The following TYW1 variants were observed in gnomAD, a reference collection of about 807,000 sequenced individuals.
TYW1 encodes the protein S-adenosyl-L-methionine-dependent tRNA 4-demethylwyosine synthase TYW1.
Under a neutral mutation model 96.2 loss-of-function variants are expected in TYW1, and 46 were observed. That is an observed-to-expected ratio of 0.48 (90% confidence interval 0.38 to 0.61). The LOEUF (loss-of-function observed/expected upper bound fraction) is 0.61. TYW1 is among the 20% of genes least tolerant of loss of function. The probability of loss-of-function intolerance (pLI) is 0.00; values close to 1 mark genes in which losing one functional copy is unlikely to be tolerated. For missense variants in TYW1, 684 were observed against 909.6 expected (o/e 0.75, Z 3.19); for synonymous variants, 274 against 323.0 (o/e 0.85, Z 1.63).
At position 67,117,634 on chromosome 7, in the gene TYW1, T is replaced by A; in HGVS notation, c.1698+16T>A. 1.3e-6 allele frequency: 2 copies of A among 1,595,906 alleles called. No homozygotes were observed. The highest frequency in any genetic ancestry group is 1.7e-6 in the Non-Finnish European group (2 of 1,175,356). ...GGCAGTCAAGGTAAGAATTATGACA[T>A]CTTAAAAATAAATAAACAACCCTCA... On this transcript the variant is annotated intron_variant, in intron 13 of 15. Coordinates refer to ENST00000359626, the MANE Select transcript of TYW1 (RefSeq NM_018264.4).
At chr7:67,185,141 A>C (rs955627025) in intron 14 of TYW1, among the ~76,000 whole-genome samples, 1 of 152,172 alleles carries the variant, frequency 6.6e-6, no homozygotes, top group Non-Finnish European at 1.5e-5. Context: ...GCAGCGGCAC[A>C]GGATAAATCA....
chr7:67,072,963 T>TTTTTTTTTTTG lies in TYW1; in HGVS notation c.1274+5561_1274+5562insTTTTTTTTTGT, dbSNP rs1219374462. Reference sequence around the variant, plus strand: ...TTTTTTTTTTTTTTTTTTTTTTTTTTTATAGAGACAGGGTCTTGCTATGTT... The same window carrying TTTTTTTTTTTG: ...TTTTTTTTTTTTTTTTTTTTTTTTTTTTTTTTTTTTGTATAGAGACAGGGTCTTGCTATGTT... On this transcript the variant is annotated intron_variant, in intron 10 of 15. Transcript: ENST00000359626. 2.6e-4 allele frequency among the ~76,000 whole-genome samples: 31 copies of TTTTTTTTTTTG among 118,592 alleles called. 2 individuals carry two copies. The highest frequency in any genetic ancestry group is 9.7e-4 in the African/African-American group (28 of 28,938). 77.8% of individuals were successfully genotyped at this position (118,592 alleles called of 152,430 possible). A position where few individuals can be genotyped will look rare whatever the true frequency, so the allele number is the denominator to read the frequency against.
chr7:67,137,733 A>AT (rs1389610738), intron 13 of TYW1, among the ~76,000 whole-genome samples: 1 of 136,924 alleles, frequency 7.3e-6, no homozygotes. Context: ...TTAAGACCTA[A>AT]TTAAAAAAAA....
intron 13 of TYW1, among the ~76,000 whole-genome samples, chr7:67,134,355 CAACATGG>C (rs1223528314): frequency 6.6e-6 from 1 of 151,964 alleles, no homozygotes; most frequent in Admixed American, 6.6e-5. Flanking sequence ...CCAGCCTGGA[CAACATGG>C]TGAAACCCTG....
chr7:67,203,234 C>T (rs1262309008), intron 15 of TYW1, among the ~76,000 whole-genome samples: 9 of 152,206 alleles, frequency 5.9e-5, no homozygotes, highest in African/African-American at 1.7e-4. Context: ...CTCTATCTGA[C>T]GATAATAGAG....
In TYW1 at chr7:67,186,272, CG is replaced by C. The variant is rs1182251478; in HGVS notation, c.1809+3037del. ...TTCATTTCCTTCCTTTCTTCCCCCCCGCCCCACCTCTCCCCCCTCCTTTCTT... is the reference window on the plus strand; with the variant it reads ...TTCATTTCCTTCCTTTCTTCCCCCCCCCCCACCTCTCCCCCCTCCTTTCTT... On this transcript the variant is annotated intron_variant, in intron 14 of 15. Coordinates refer to ENST00000359626, the MANE Select transcript of TYW1 (RefSeq NM_018264.4). Among the ~76,000 whole-genome samples the C allele has an allele frequency of 1.9e-4, 13 of 68,338 alleles. 1 individual carries two copies. The highest frequency in any genetic ancestry group is 3.0e-4 in the Non-Finnish European group (11 of 36,452). The allele number at this position is 68,338 out of a possible 152,430, so 44.8% of individuals were successfully genotyped here. A position where few individuals can be genotyped will look rare whatever the true frequency, so the allele number is the denominator to read the frequency against.
At chr7:67,192,406 G>A (rs573394979) in intron 14 of TYW1, among the ~76,000 whole-genome samples, 3 of 152,176 alleles carry the variant, frequency 2.0e-5, no homozygotes, top group African/African-American at 7.2e-5. Flanking sequence ...CTGTTCTCAC[G>A]AAGACAAGAT....
At chr7:67,050,898 C>T (rs1330569848) in intron 8 of TYW1, among the ~76,000 whole-genome samples, 2 of 151,654 alleles carry the variant, frequency 1.3e-5, no homozygotes, top group East Asian at 1.9e-4. Flanking sequence ...TACACTATAC[C>T]TCTTTTTTTT....
At chr7:67,010,289 G>A (rs1401644028) in intron 4 of TYW1, among the ~76,000 whole-genome samples, 1 of 151,864 alleles carries the variant, frequency 6.6e-6, no homozygotes, top group African/African-American at 2.4e-5. Context: ...GGGCCACTGT[G>A]CCTGGCCCCT....
intron 15 of TYW1, among the ~76,000 whole-genome samples, chr7:67,216,971 G>A (rs539713111): frequency 6.7e-6 from 1 of 150,348 alleles, no homozygotes; most frequent in African/African-American, 2.5e-5. Flanking sequence ...CTGGTTATGT[G>A]GCTTGGTGTG....
chr7:66,999,777 T>C (rs7790407), intron 3 of TYW1, among the ~76,000 whole-genome samples: 21,342 of 151,998 alleles, frequency 0.14, 1,588 homozygotes, highest in East Asian at 0.3. Context: ...TTCTCTCTCT[T>C]TTTTGCGGGG....
At chr7:67,100,077 G>A (rs375065095) in intron 12 of TYW1, among the ~76,000 whole-genome samples, 2 of 152,110 alleles carry the variant, frequency 1.3e-5, no homozygotes, top group Admixed American at 6.6e-5. Flanking sequence ...AGAGGCTAGC[G>A]GAGAAGAGGA....
At chr7:67,068,759 T>C (rs749581339) in intron 10 of TYW1, among the ~76,000 whole-genome samples, 4 of 152,234 alleles carry the variant, frequency 2.6e-5, no homozygotes, top group Non-Finnish European at 4.4e-5. Context: ...TCCTTCTCCA[T>C]TTCCAATTTC....
chr7:67,186,750 C>G (rs1221766109), intron 14 of TYW1, among the ~76,000 whole-genome samples: 2 of 152,144 alleles, frequency 1.3e-5, no homozygotes, highest in Admixed American at 1.3e-4. Context: ...ACGTTAGCCT[C>G]CCAAAGTGCT....
At chr7:67,214,156 T>C (rs1801133000) in intron 15 of TYW1, among the ~76,000 whole-genome samples, 1 of 152,208 alleles carries the variant, frequency 6.6e-6, no homozygotes, top group African/African-American at 2.4e-5. Flanking sequence ...TATCCTCCCA[T>C]TTACTGAAAT....
intron 14 of TYW1, among the ~76,000 whole-genome samples, chr7:67,193,922 G>A (rs1463739078): frequency 6.6e-6 from 1 of 151,836 alleles, no homozygotes; most frequent in Non-Finnish European, 1.5e-5. Flanking sequence ...CTCCCTCCAA[G>A]TTATTCCCCA....
At chr7:67,132,212 G>A (rs1798099046) in intron 13 of TYW1, among the ~76,000 whole-genome samples, 1 of 149,592 alleles carries the variant, frequency 6.7e-6, no homozygotes, top group South Asian at 2.1e-4. Context: ...CTGGACTCAA[G>A]CAGTCCTCCC....
intron 10 of TYW1, among the ~76,000 whole-genome samples, chr7:67,073,837 C>T (rs549760445): frequency 2.1e-5 from 3 of 146,204 alleles, no homozygotes; most frequent in African/African-American, 7.6e-5. Context: ...AATCCCAGCA[C>T]TTCGGGAGGC....
In TYW1 at chr7:67,098,623, A is replaced by C. The variant is rs1392845106; in HGVS notation, c.1467A>C (p.Ile489=). 1 of 1,613,904 alleles carries C rather than the reference A, an allele frequency of 6.2e-7. No homozygotes were observed. Among genetic ancestry groups the C allele is most frequent in the Non-Finnish European group, 8.5e-7 (1 of 1,179,958 alleles). ...CATTGTCCCTCGTGGGAGAACCAAT[A>C]ATGTACCCAGAGATCAACAGGTTTT... is the stretch of plus-strand genomic sequence containing the variant. ...HCALSLVGEP[I]MYPEINRFLK... is the part of the protein sequence containing the mutation. Residue 489 remains isoleucine (I), a synonymous_variant, in exon 12 of 16, where the codon ATA becomes ATC. Coordinates refer to ENST00000359626, the MANE Select transcript of TYW1 (RefSeq NM_018264.4).
Sources: gnomAD v4.1 joint callset for allele counts (sites outside exome capture counted in the v4.1 genomes callset) on GRCh38, gnomAD v4.1.1 for gene constraint, MANE v1.5 for transcripts, NCBI Gene and HGNC (gene_info 2026-07-23, HGNC 2026-07-21) for gene names.